Variants in KIAA0319 observed in about 807,000 individuals in gnomAD.
The protein encoded by KIAA0319 is KIAA0319, also known as dyslexia-associated protein KIAA0319.
KIAA0319 carries 83 observed loss-of-function variants against 108.4 expected under a neutral mutation model. The observed-to-expected ratio is 0.77, with a 90% CI of 0.64 to 0.92. The LOEUF (loss-of-function observed/expected upper bound fraction) is 0.92, where lower values mean the gene tolerates loss of function less well. Ranked by LOEUF, KIAA0319 falls within the 40% of genes least tolerant of loss-of-function variation. The pLI is 0.00. For synonymous variants in KIAA0319, 484 were observed against 510.4 expected, an observed-to-expected ratio of 0.95 and a Z score of 0.70; for missense variants, 1,195 against 1,322.4, an observed-to-expected ratio of 0.90 and a Z score of 1.49.
At chr6:24,566,950 A>G (rs1282887733) in intron 13 of KIAA0319, among the ~76,000 whole-genome samples, 1 of 152,138 alleles carries the variant, frequency 6.6e-6, no homozygotes, top group Non-Finnish European at 1.5e-5. Flanking sequence ...AGTTAGCTAT[A>G]ATTTGGGATG....
chr6:24,547,035 G>T lies in KIAA0319; in HGVS notation c.*130C>A. On this transcript the variant is annotated 3_prime_UTR_variant, in exon 21 of 21. Transcript: ENST00000378214. ...TTCAAAAACCGGTCTTTTAGTACGT[G>T]GGGATACACATCTAACCCACTGGGG... 2 of 923,586 alleles carry T rather than the reference G, an allele frequency of 2.2e-6. No individual in the cohort carries two copies. Among genetic ancestry groups the T allele is most frequent in the Non-Finnish European group, 3.3e-6 (2 of 602,702 alleles). 57.2% of individuals were successfully genotyped at this position (923,586 alleles called of 1,614,324 possible).
At chr6:24,573,655 T>C (rs944411919) in intron 10 of KIAA0319, among the ~76,000 whole-genome samples, 20 of 152,226 alleles carry the variant, frequency 1.3e-4, no homozygotes, top group African/African-American at 3.6e-4. Flanking sequence ...GAAAAGATTC[T>C]GGAAGTGTAC....
In KIAA0319 at chr6:24,544,552, T is replaced by A. The variant is rs562436145; in HGVS notation, c.*2613A>T. On this transcript the variant is annotated 3_prime_UTR_variant, in exon 21 of 21. Coordinates refer to ENST00000378214, the MANE Select transcript of KIAA0319 (RefSeq NM_014809.4). ...CACTGGCTTGTTGAGTGGTACATTT[T>A]CTTACCTTGCTGCATGTTTTTCAGA... The A allele has an allele frequency of 6.6e-6, 1 of 152,202 alleles. No homozygotes were observed. Among genetic ancestry groups the A allele is most frequent in the African/African-American group, 2.4e-5 (1 of 41,460 alleles). 9.4% of individuals were successfully genotyped at this position (152,202 alleles called of 1,614,324 possible).
intron 4 of KIAA0319, among the ~76,000 whole-genome samples, chr6:24,587,042 T>C (rs937368697): frequency 1.8e-4 from 27 of 152,264 alleles, no homozygotes; most frequent in Middle Eastern, 3.4e-3. Context: ...CGATGACTCG[T>C]AATCCTTTAT....
Position 24,569,963 on chromosome 6 carries a change from A to G in KIAA0319, c.1931T>C (p.Leu644Pro). The G allele has an allele frequency of 6.2e-7, 1 of 1,614,142 alleles. No individual in the cohort carries two copies. Among genetic ancestry groups the G allele is most frequent in the Non-Finnish European group, 8.5e-7 (1 of 1,179,988 alleles). ...GTCATCGCTGCTGCTGCTCCCATCCAGGGTAGCACTTTCCACTGGGAAGAT... is the reference window on the plus strand; with the variant it reads ...GTCATCGCTGCTGCTGCTCCCATCCGGGGTAGCACTTTCCACTGGGAAGAT... ...ELIFPVESATLDGSSSSDDHG... is the reference protein window; with the variant it reads ...ELIFPVESATPDGSSSSDDHG... The change falls in exon 12 of 21, where the codon CTG (leucine) becomes CCG (proline). Residue 644 changes from leucine (L) to proline (P), a missense_variant. Leu to Pro is a moderately conservative substitution (Grantham distance 98). Coordinates refer to ENST00000378214, the MANE Select transcript of KIAA0319 (RefSeq NM_014809.4).
intron 20 of KIAA0319, among the ~76,000 whole-genome samples, chr6:24,550,131 C>G (rs1420361950): frequency 6.6e-6 from 1 of 152,186 alleles, no homozygotes; most frequent in Admixed American, 6.5e-5. Context: ...TGCCAAAGCC[C>G]TATTAGCTAC....
chr6:24,583,457 A>G (rs924500300), intron 5 of KIAA0319, 147 bp downstream of exon 5: 2 of 651,014 alleles, frequency 3.1e-6, no homozygotes. Context: ...TTGATGCTTA[A>G]GAATAATCAA....
rs926492041 is a variant in KIAA0319, at chr6:24,563,547, A to T, written c.2432-29T>A. ...GGGAAAGAGAAGATACAGGATTTGC[A>T]CTTGGACATTTGCACAGGCTTTAGA... On this transcript the variant is annotated intron_variant, in intron 15 of 20. Transcript: ENST00000378214. 3.8e-6 allele frequency: 6 copies of T among 1,584,246 alleles called. No homozygotes were observed. The African/African-American group carries it at 8.1e-5, about 21-fold the overall frequency.
At position 24,599,432 on chromosome 6, in the gene KIAA0319, G is replaced by A. The variant is rs1029246091; in HGVS notation, c.55+1617C>T. The A allele has an allele frequency of 3.4e-5, 19 of 554,112 alleles. No individual in the cohort carries two copies. In the African/African-American group the frequency reaches 3.6e-4, roughly 10 times the overall value. The allele number at this position is 554,112 out of a possible 1,614,324, so 34.3% of individuals were successfully genotyped here. On this transcript the variant is annotated intron_variant, in intron 2 of 20. Transcript: ENST00000378214. This position sits in a 1 kb window ranked among gnomAD's most constrained non-coding sequence, Gnocchi z 4.1. ...AGCTGTCCAAGCTGGAGGCCACCCT[G>A]CAGTGGGCCATGCAGGACATGGCAT...
chr6:24,560,071 T>C lies in KIAA0319; in HGVS notation c.2592-916A>G, dbSNP rs139315635. On this transcript the variant is annotated intron_variant, in intron 16 of 20. Coordinates refer to ENST00000378214, the MANE Select transcript of KIAA0319 (RefSeq NM_014809.4). ...TTTATTGCCAAATGATATTCTGTTG[T>C]ATGAATATATCACATTTTGTATCCA... 5.1e-4 allele frequency among the ~76,000 whole-genome samples: 78 copies of C among 152,372 alleles called. No homozygotes were observed. In the East Asian group the frequency reaches 7.7e-3, roughly 15 times the overall value.
chr6:24,599,535 C>T lies in KIAA0319; in HGVS notation c.55+1514G>A. The T allele has an allele frequency of 1.7e-6, 1 of 571,538 alleles. No homozygotes were observed. Among genetic ancestry groups the T allele is most frequent in the Non-Finnish European group, 3.4e-6 (1 of 297,450 alleles). 35.4% of individuals were successfully genotyped at this position (571,538 alleles called of 1,614,324 possible). On this transcript the variant is annotated intron_variant, in intron 2 of 20. Coordinates refer to ENST00000378214, the MANE Select transcript of KIAA0319 (RefSeq NM_014809.4). The surrounding 1 kb of genome is among the most constrained non-coding windows in gnomAD (Gnocchi z 4.1). Reference sequence around the variant, plus strand: ...CGAGATTGTCACCTACAGGAAGGTGCTGGAGGGCGAGGAGAGCTGGCTGGA... The same window carrying T: ...CGAGATTGTCACCTACAGGAAGGTGTTGGAGGGCGAGGAGAGCTGGCTGGA...
intron 9 of KIAA0319, among the ~76,000 whole-genome samples, chr6:24,577,043 GA>G (rs1765652183): frequency 1.3e-5 from 2 of 152,158 alleles, no homozygotes; most frequent in Admixed American, 1.3e-4. Flanking sequence ...GGTAAAAATA[GA>G]AATTTAAGGA....
chr6:24,604,376 G>A (rs1028460440), intron 1 of KIAA0319, among the ~76,000 whole-genome samples: 1 of 152,178 alleles, frequency 6.6e-6, no homozygotes, highest in Non-Finnish European at 1.5e-5. Flanking sequence ...CTGGGGCCCA[G>A]AATAGCAACA....
intron 3 of KIAA0319, among the ~76,000 whole-genome samples, chr6:24,593,070 T>G (rs1466372173): frequency 6.6e-6 from 1 of 152,212 alleles, no homozygotes; most frequent in Admixed American, 6.5e-5. Context: ...TTTGAGCTAT[T>G]TTTACAACTC....
At position 24,556,963 on chromosome 6, in the gene KIAA0319, T is replaced by C. The variant is rs2817255; in HGVS notation, c.2735-234A>G. Among the ~76,000 whole-genome samples, 44,586 of 151,998 alleles carry C rather than the reference T, an allele frequency of 0.29. 7,843 individuals carry two copies. Among genetic ancestry groups the C allele is most frequent in the African/African-American group, 0.5 (20,543 of 41,424 alleles). ...CCACGCAGCAAAAGCCTTAAAAATA[T>C]TGGGAGGCCGAGGTGGGCAGATCAC... is the stretch of plus-strand genomic sequence containing the variant. On this transcript the variant is annotated intron_variant, in intron 17 of 20. Transcript: ENST00000378214.
At chr6:24,562,309 T>C (rs1025692049) in intron 16 of KIAA0319, among the ~76,000 whole-genome samples, 1 of 152,226 alleles carries the variant, frequency 6.6e-6, no homozygotes, top group Non-Finnish European at 1.5e-5. Context: ...TTTGATTCAG[T>C]ATTTTATATT....
intron 3 of KIAA0319, among the ~76,000 whole-genome samples, chr6:24,590,775 T>C (rs1234227607): frequency 6.6e-6 from 1 of 152,252 alleles, no homozygotes; most frequent in African/African-American, 2.4e-5. Flanking sequence ...TCCACCATGC[T>C]GCCTCTCCAG....
At chr6:24,541,680 C>G (rs2127393719), downstream of KIAA0319, among the ~76,000 whole-genome samples, 1 of 152,098 alleles carries the variant, frequency 6.6e-6, no homozygotes, top group East Asian at 1.9e-4. Context: ...CGCCTGTAAT[C>G]CTAGCTACCT....
At chr6:24,640,628 A>G (rs942057615) in intron 1 of KIAA0319, among the ~76,000 whole-genome samples, 3 of 152,172 alleles carry the variant, frequency 2.0e-5, no homozygotes, top group Non-Finnish European at 4.4e-5. Context: ...GTGGTAAAAT[A>G]TATATAACAT....
Sources: allele counts gnomAD v4.1 joint callset (sites outside exome capture counted in the v4.1 genomes callset), GRCh38; gene constraint gnomAD v4.1.1; non-coding constraint Gnocchi (gnomAD v3.1); transcripts MANE v1.5; gene names NCBI Gene and HGNC (gene_info 2026-07-23, HGNC 2026-07-21).